PTK2: variants seen among roughly 807,000 people sequenced by gnomAD.
The protein encoded by PTK2 is focal adhesion kinase 1.
A neutral mutation model predicts 150.1 loss-of-function variants in PTK2; 45 were observed. The ratio of observed to expected loss-of-function variants is 0.30; its 90% CI spans 0.24 to 0.38. The LOEUF is 0.38. Among genes scored for constraint, PTK2 ranks in the 10% least tolerant of loss-of-function variants. The probability of loss-of-function intolerance (pLI) is 1.00; values close to 1 mark genes in which losing one functional copy is unlikely to be tolerated. For synonymous variants in PTK2, 432 were observed against 449.2 expected (o/e 0.96, Z 0.48); for missense variants, 919 against 1,307.3 (o/e 0.70, Z 4.58).
At chr8:140,690,645 T>C (rs145723588) in intron 26 of PTK2, among the ~76,000 whole-genome samples, 1 of 152,288 alleles carries the variant, frequency 6.6e-6, no homozygotes, top group East Asian at 1.9e-4. Flanking sequence ...GTAATTATCA[T>C]TAGTTATTAT....
chr8:140,918,996 T>G (rs117751237), intron 2 of PTK2, among the ~76,000 whole-genome samples: 1 of 151,752 alleles, frequency 6.6e-6, no homozygotes, highest in South Asian at 2.1e-4. Flanking sequence ...GGTACAAGAG[T>G]AACATGAGGG....
chr8:140,962,386 T>C (rs1314805259), intron 1 of PTK2, among the ~76,000 whole-genome samples: 1 of 152,078 alleles, frequency 6.6e-6, no homozygotes, highest in Non-Finnish European at 1.5e-5. Flanking sequence ...AGTCCCATAG[T>C]AAAGAGCTAA....
At chr8:140,976,025 A>G (rs947048075) in intron 1 of PTK2, among the ~76,000 whole-genome samples, 1 of 152,196 alleles carries the variant, frequency 6.6e-6, no homozygotes, top group Non-Finnish European at 1.5e-5. Context: ...CAACATTAGC[A>G]CCTTACATTT....
rs535281249 is a variant in PTK2 at position 140,985,659 on chromosome 8, C to T, written c.-122+15466G>A. Among the ~76,000 whole-genome samples, 133 of 152,292 alleles carry T rather than the reference C, an allele frequency of 8.7e-4. 1 individual carries two copies. The highest frequency in any genetic ancestry group is 2.8e-3 in the African/African-American group (116 of 41,552). ...TCAAGAGTGGGTGCTGTGACACCCCCGCCAGAACCCCACAGTGCCCTGCAA... is the reference window on the plus strand; with the variant it reads ...TCAAGAGTGGGTGCTGTGACACCCCTGCCAGAACCCCACAGTGCCCTGCAA... On this transcript the variant is annotated intron_variant, in intron 1 of 31. Transcript: ENST00000522684.
At chr8:140,975,686 T>C (rs1389742898) in intron 1 of PTK2, among the ~76,000 whole-genome samples, 1 of 151,944 alleles carries the variant, frequency 6.6e-6, no homozygotes, top group Non-Finnish European at 1.5e-5. Flanking sequence ...AAGGCTGAAG[T>C]TTCTACTCTC....
rs570829319 is a variant in PTK2 at position 140,675,190 on chromosome 8, G to A, written c.2602+270C>T. On this transcript the variant is annotated intron_variant, in intron 28 of 31. Coordinates refer to ENST00000522684, the Ensembl canonical transcript of PTK2. ...TTTCTTTTTTTTTTTTTTTGAGACC[G>A]AGTGTTGCTCTGTCACCCAGGCTGG... 1.5e-3 allele frequency among the ~76,000 whole-genome samples: 214 copies of A among 145,934 alleles called. 1 individual carries two copies. Among genetic ancestry groups the A allele is most frequent in the Non-Finnish European group, 2.0e-3 (131 of 67,012 alleles).
chr8:140,933,329 A>AG (rs1180614319), intron 1 of PTK2, among the ~76,000 whole-genome samples: 3 of 152,200 alleles, frequency 2.0e-5, no homozygotes, highest in African/African-American at 4.8e-5. Context: ...CAAGAACAGG[A>AG]GGGGCTAAAA....
intron 12 of PTK2, among the ~76,000 whole-genome samples, chr8:140,795,403 AG>A (rs1411285819): frequency 1.3e-5 from 2 of 151,964 alleles, no homozygotes; most frequent in Non-Finnish European, 2.9e-5. Context: ...CATGCTTCCT[AG>A]CACTCCCCAG....
At chr8:140,805,086 A>G (rs2100097487) in intron 10 of PTK2, among the ~76,000 whole-genome samples, 1 of 152,040 alleles carries the variant, frequency 6.6e-6, no homozygotes. Context: ...CAAATACCAT[A>G]CAGTCCTGGG....
chr8:140,740,087 A>G (rs2100054845), intron 20 of PTK2, among the ~76,000 whole-genome samples: 1 of 152,182 alleles, frequency 6.6e-6, no homozygotes, highest in Non-Finnish European at 1.5e-5. Context: ...CTCCCTTTTC[A>G]GGCCTAAACG....
chr8:140,962,190 G>A (rs926920802), intron 1 of PTK2, among the ~76,000 whole-genome samples: 3 of 141,002 alleles, frequency 2.1e-5, no homozygotes, highest in Non-Finnish European at 3.0e-5. Context: ...CACTGCCTGG[G>A]CAACAGAGCA....
intron 1 of PTK2, chr8:140,954,844 A>G (rs934446699): frequency 2.0e-5 from 3 of 151,994 alleles, no homozygotes; most frequent in African/African-American, 7.2e-5. Context: ...GAGAACCTGA[A>G]AGACTATATA....
At chr8:140,671,479 C>T (rs761939089) in intron 29 of PTK2, among the ~76,000 whole-genome samples, 3 of 152,160 alleles carry the variant, frequency 2.0e-5, no homozygotes, top group Non-Finnish European at 2.9e-5. Context: ...GCCTTGGCCT[C>T]TCAGTGTTGG....
chr8:140,744,943 C>T (rs2100057856), intron 18 of PTK2, 176 bp from the exon 22 acceptor site: 2 of 406,246 alleles, frequency 4.9e-6, no homozygotes, highest in Non-Finnish European at 8.8e-6. Context: ...CATTTAAACT[C>T]TGGATTCAGA....
chr8:140,931,599 T>C (rs1278483224), intron 1 of PTK2, among the ~76,000 whole-genome samples: 2 of 152,022 alleles, frequency 1.3e-5, no homozygotes, highest in Non-Finnish European at 1.5e-5. Context: ...AATAAAAGTA[T>C]ATTGTTCACT....
chr8:140,725,637 G>C (rs578025160), intron 22 of PTK2, among the ~76,000 whole-genome samples: 1 of 152,220 alleles, frequency 6.6e-6, no homozygotes, highest in Admixed American at 6.5e-5. Context: ...GACAGGCAGA[G>C]AAGGAGTGCT....
At chr8:140,716,404 G>A (rs1203315649) in intron 23 of PTK2, among the ~76,000 whole-genome samples, 1 of 152,212 alleles carries the variant, frequency 6.6e-6, no homozygotes, top group African/African-American at 2.4e-5. Context: ...TTGTTGTTAA[G>A]CTGGGAATGA....
chr8:140,906,339 G>T (rs2100160855), intron 2 of PTK2, among the ~76,000 whole-genome samples: 1 of 152,052 alleles, frequency 6.6e-6, no homozygotes, highest in Non-Finnish European at 1.5e-5. Flanking sequence ...TCCCAATACT[G>T]AATACATATT....
intron 31 of PTK2, among the ~76,000 whole-genome samples, chr8:140,664,536 C>T (rs534175353): frequency 3.9e-5 from 6 of 152,290 alleles, no homozygotes; most frequent in South Asian, 2.1e-4. Flanking sequence ...GCACAATGCC[C>T]GCCCCATTCA....
Sources: gnomAD v4.1 joint callset for allele counts (sites outside exome capture counted in the v4.1 genomes callset) on GRCh38, gnomAD v4.1.1 for gene constraint, MANE v1.5 for transcripts, NCBI Gene and HGNC (gene_info 2026-07-23, HGNC 2026-07-21) for gene names.